Variants in OGG1 observed in about 807,000 individuals in gnomAD.
OGG1 encodes 8-oxoguanine DNA glycosylase.
OGG1 carries 35 observed loss-of-function variants against 42.3 expected under a neutral mutation model. The observed-to-expected ratio is 0.83, with a 90% CI of 0.63 to 1.10. OGG1 has a LOEUF of 1.10. OGG1 is among the 50% of genes least tolerant of loss of function. The probability of loss-of-function intolerance (pLI) is 0.00; values close to 1 mark genes in which losing one functional copy is unlikely to be tolerated. For synonymous variants in OGG1, 189 were observed against 179.0 expected (o/e 1.06, Z -0.44); for missense variants, 484 against 446.7 (o/e 1.08, Z -0.75).
chr3:9,779,054 T>C (rs1390650258), intron 2 of OGG1, among the ~76,000 whole-genome samples: 1 of 152,056 alleles, frequency 6.6e-6, no homozygotes, highest in Admixed American at 6.6e-5. Flanking sequence ...TTGAGGCAGG[T>C]ACCAGAGCAT....
downstream of OGG1, chr3:9,758,803 T>C (rs1490168662): frequency 3.8e-6 from 1 of 261,118 alleles, no homozygotes; most frequent in East Asian, 1.0e-4. Context: ...CTAATTCTTT[T>C]ATTTTTAGTA....
chr3:9,784,038 C>A (rs771190912), intron 3 of OGG1: 1 of 1,613,866 alleles, frequency 6.2e-7, no homozygotes, highest in South Asian at 1.1e-5. Context: ...CTCAGCAGGT[C>A]GTGCTTCTTG....
intron 2 of OGG1, among the ~76,000 whole-genome samples, chr3:9,778,629 TGA>T (rs1318607740): frequency 6.6e-6 from 1 of 152,170 alleles, no homozygotes; most frequent in Non-Finnish European, 1.5e-5. Flanking sequence ...TGGGGTAGAC[TGA>T]GTTTATAGTC....
intron 2 of OGG1, among the ~76,000 whole-genome samples, chr3:9,773,390 A>T (rs1361912086): frequency 6.6e-6 from 1 of 151,812 alleles, no homozygotes; most frequent in Non-Finnish European, 1.5e-5. Context: ...AGATACAAAA[A>T]ATTAGCCAGG....
chr3:9,773,300 C>T (rs540256978), intron 2 of OGG1, among the ~76,000 whole-genome samples: 2 of 150,602 alleles, frequency 1.3e-5, no homozygotes, highest in East Asian at 2.0e-4. Flanking sequence ...GAGGCTGAGG[C>T]GGGTGGATCA....
downstream of OGG1, chr3:9,759,639 C>A: frequency 6.2e-7 from 1 of 1,614,100 alleles, no homozygotes; most frequent in Non-Finnish European, 8.5e-7. Context: ...GCCCCAAATC[C>A]CGCCCCAGCT....
downstream of OGG1, chr3:9,767,935 A>C: frequency 2.8e-5 from 22 of 791,990 alleles, no homozygotes; most frequent in Non-Finnish European, 3.4e-5. Context: ...TGTTTATTCA[A>C]CATTCAGCAA....
At chr3:9,760,516 G>T, downstream of OGG1, 1 of 752,576 alleles carries the variant, frequency 1.3e-6, no homozygotes, top group Non-Finnish European at 2.3e-6. Flanking sequence ...AGAAGGGGTA[G>T]GGTGTCTGGT....
downstream of OGG1, chr3:9,789,752 A>G (rs1286435409): frequency 3.7e-6 from 6 of 1,614,038 alleles, no homozygotes; most frequent in East Asian, 1.1e-4. Context: ...TGGCACGTCG[A>G]TAGGGTCATC....
At position 9,765,975 on chromosome 3, in the gene OGG1, A is replaced by T. The variant is rs531361468; in HGVS notation, c.*144A>T. On this transcript the variant is annotated 3_prime_UTR_variant, in exon 8 of 8. Transcript: ENST00000302008. Reference sequence around the variant, plus strand: ...TCCTCCATTCCCTATGGGTTCTGTGACCACTGCTGGACCAAGGACGTGGAT... The same window carrying T: ...TCCTCCATTCCCTATGGGTTCTGTGTCCACTGCTGGACCAAGGACGTGGAT... 33 of 1,614,006 alleles carry T rather than the reference A, an allele frequency of 2.0e-5. No homozygotes were observed. The South Asian group carries it at 3.4e-4, about 17-fold the overall frequency.
chr3:9,786,681 G>A (rs1013056326), intron 3 of OGG1, among the ~76,000 whole-genome samples: 1 of 152,172 alleles, frequency 6.6e-6, no homozygotes, highest in Non-Finnish European at 1.5e-5. Context: ...TGTGGAGTAA[G>A]GCTACCTTTG....
At chr3:9,761,599 C>G (rs772524967), downstream of OGG1, 46 of 1,613,618 alleles carry the variant, frequency 2.9e-5, no homozygotes, top group Non-Finnish European at 3.7e-5. Flanking sequence ...GTTCCCCCCA[C>G]CATCACAGCC....
chr3:9,787,080 C>T (rs1297877619), intron 3 of OGG1: 3 of 1,614,204 alleles, frequency 1.9e-6, no homozygotes, highest in African/African-American at 2.7e-5. Context: ...TCATGCTGGG[C>T]CTCAGACTTC....
At chr3:9,755,813 A>G (rs1213159024) in intron 4 of OGG1, among the ~76,000 whole-genome samples, 1 of 151,036 alleles carries the variant, frequency 6.6e-6, no homozygotes, top group Non-Finnish European at 1.5e-5. Context: ...TTGCTTAAAG[A>G]TTTTTTTTTG....
chr3:9,767,706 T>G (rs772591110), downstream of OGG1: 3 of 1,613,942 alleles, frequency 1.9e-6, no homozygotes, highest in South Asian at 3.3e-5. Context: ...GTCTCTAATG[T>G]CCTCCGCCTG....
Position 9,756,524 on chromosome 3 carries a change from G to C in OGG1, c.801G>C (p.Val267=). ...MALDKPQAVP[V]DVHMWHIAQR... is the part of the protein sequence containing the mutation. ...TAGACAAGCCCCAGGCTGTGCCCGT[G>C]GATGTCCATATGTGGCACATTGCCC... is the stretch of plus-strand genomic sequence containing the variant. Residue 267 remains valine (V), a synonymous_variant, in exon 5 of 7, where the codon GTG becomes GTC. Transcript: ENST00000344629. 6.2e-7 allele frequency: 1 copy of C among 1,614,176 alleles called. No individual in the cohort carries two copies. Among genetic ancestry groups the C allele is most frequent in the Non-Finnish European group, 8.5e-7 (1 of 1,180,030 alleles).
rs111816913 is a variant in OGG1, at chr3:9,787,720, T to C, written c.383-8T>C. ...AATTTACTGCTGTCTGTATGAACTC[T>C]TTTTCAGATAAATTTTTAAGAAATC... On this transcript the variant is annotated splice_region_variant and splice_polypyrimidine_tract_variant and intron_variant, in intron 3 of 3. Coordinates refer to the OGG1 transcript ENST00000426518. 12 of 1,303,076 alleles carry C rather than the reference T, an allele frequency of 9.2e-6. No individual in the cohort carries two copies. In the African/African-American group the frequency reaches 1.5e-4, roughly 16 times the overall value. 80.7% of individuals were successfully genotyped at this position (1,303,076 alleles called of 1,614,324 possible). A position where few individuals can be genotyped will look rare whatever the true frequency, so the allele number is the denominator to read the frequency against.
At chr3:9,778,629 T>C (rs1297919300) in intron 2 of OGG1, among the ~76,000 whole-genome samples, 2 of 152,170 alleles carry the variant, frequency 1.3e-5, no homozygotes, top group Non-Finnish European at 2.9e-5. Flanking sequence ...TGGGGTAGAC[T>C]GAGTTTATAG....
intron 3 of OGG1, among the ~76,000 whole-genome samples, chr3:9,781,833 C>CTTTT (rs35246642): frequency 2.0e-3 from 173 of 86,878 alleles, no homozygotes; most frequent in African/African-American, 3.0e-3. Context: ...CCCATTACTT[C>CTTTT]TTTTTTTTTT....
Sources: gnomAD v4.1 joint callset for allele counts (sites outside exome capture counted in the v4.1 genomes callset) on GRCh38, gnomAD v4.1.1 for gene constraint, MANE v1.5 for transcripts, NCBI Gene and HGNC (gene_info 2026-07-23, HGNC 2026-07-21) for gene names.